RORA: variants seen among roughly 807,000 people sequenced by gnomAD.
RORA encodes the protein nuclear receptor ROR-alpha.
RORA carries 7 observed loss-of-function variants against 69.5 expected under a neutral mutation model. That is an observed-to-expected ratio of 0.10 (90% CI 0.06 to 0.19). The LOEUF is 0.19. Among genes scored for constraint, RORA ranks in the 10% least tolerant of loss-of-function variants. The pLI, the probability that RORA is intolerant of heterozygous loss-of-function variation, is 1.00. For synonymous variants in RORA, 261 were observed against 240.8 expected (o/e 1.08, Z -0.78); for missense variants, 457 against 663.0 (o/e 0.69, Z 3.41).
intron 1 of RORA, among the ~76,000 whole-genome samples, chr15:61,056,904 C>T (rs1038084950): frequency 3.3e-5 from 5 of 152,360 alleles, no homozygotes; most frequent in African/African-American, 7.2e-5. Context: ...TCAACCTTTG[C>T]ATCTGCCTTC....
chr15:60,596,318 G>C (rs1410133312), intron 2 of RORA, among the ~76,000 whole-genome samples: 1 of 152,008 alleles, frequency 6.6e-6, no homozygotes, highest in East Asian at 1.9e-4. Flanking sequence ...TCTCTCCAGT[G>C]TGCGTCTGCT....
chr15:60,696,617 T>C (rs962616151), intron 1 of RORA, among the ~76,000 whole-genome samples: 12 of 152,168 alleles, frequency 7.9e-5, no homozygotes, highest in Non-Finnish European at 8.8e-5. Context: ...CCTCATTTAC[T>C]TTAATTATAT....
At chr15:60,868,366 T>A (rs1467875295) in intron 1 of RORA, among the ~76,000 whole-genome samples, 2 of 152,190 alleles carry the variant, frequency 1.3e-5, no homozygotes, top group Non-Finnish European at 2.9e-5. Context: ...ATAGTATAAG[T>A]TGGTACATGT....
chr15:60,801,580 T>C (rs577951674), intron 1 of RORA, among the ~76,000 whole-genome samples: 1 of 152,242 alleles, frequency 6.6e-6, no homozygotes, highest in Non-Finnish European at 1.5e-5. Flanking sequence ...ATTTGGAATG[T>C]CTCTGCATTT....
intron 1 of RORA, among the ~76,000 whole-genome samples, chr15:60,912,613 G>A (rs1891762870): frequency 6.6e-6 from 1 of 152,110 alleles, no homozygotes; most frequent in Non-Finnish European, 1.5e-5. Context: ...AATTAGCCAG[G>A]CATGGTGGCA....
At chr15:61,138,837 A>AT (rs1251439526) in intron 1 of RORA, among the ~76,000 whole-genome samples, 4 of 152,144 alleles carry the variant, frequency 2.6e-5, no homozygotes, top group Admixed American at 6.5e-5. Flanking sequence ...TAAAATAAAA[A>AT]AATAAATTAA....
chr15:60,624,527 AGTATATATATATTTGCT>A, intron 2 of RORA, among the ~76,000 whole-genome samples: 1 of 121,378 alleles, frequency 8.2e-6, no homozygotes, highest in African/African-American at 3.3e-5. Flanking sequence ...ATATATATAT[AGTATATATATATTTGCT>A]GTATATATAT....
intron 1 of RORA, among the ~76,000 whole-genome samples, chr15:60,883,134 A>G (rs2073706900): frequency 3.8e-5 from 2 of 53,096 alleles, no homozygotes; most frequent in Non-Finnish European, 8.2e-5. Context: ...TCGTCTCAAA[A>G]AAAAAAAAAA....
intron 1 of RORA, among the ~76,000 whole-genome samples, chr15:61,114,830 AC>A (rs2140795474): frequency 6.6e-6 from 1 of 152,046 alleles, no homozygotes; most frequent in East Asian, 1.9e-4. Flanking sequence ...GGTCAGGACA[AC>A]CCCCAGGGCC....
At chr15:60,595,161 A>G (rs1567113789) in intron 2 of RORA, among the ~76,000 whole-genome samples, 2 of 149,100 alleles carry the variant, frequency 1.3e-5, no homozygotes, top group Non-Finnish European at 3.0e-5. Context: ...ATAATACCAA[A>G]TTGGAGCCAT....
chr15:61,054,992 A>T (rs2078074068), intron 1 of RORA, among the ~76,000 whole-genome samples: 1 of 151,984 alleles, frequency 6.6e-6, no homozygotes, highest in Non-Finnish European at 1.5e-5. Context: ...GCACACCACC[A>T]CGTCTGGCTA....
chr15:61,183,951 G>A (rs537927607), intron 1 of RORA, among the ~76,000 whole-genome samples: 102 of 152,174 alleles, frequency 6.7e-4, no homozygotes, highest in African/African-American at 2.3e-3. Flanking sequence ...AAAGTTTCCT[G>A]GCTGCTCCCA....
intron 1 of RORA, among the ~76,000 whole-genome samples, chr15:61,002,186 GC>G (rs1894766928): frequency 6.6e-6 from 1 of 152,204 alleles, no homozygotes; most frequent in Non-Finnish European, 1.5e-5. Flanking sequence ...AGGAAGGCTG[GC>G]CCTCCCATCT....
At chr15:60,549,861 AG>A (rs2067180919) in intron 2 of RORA, among the ~76,000 whole-genome samples, 1 of 152,226 alleles carries the variant, frequency 6.6e-6, no homozygotes, top group Admixed American at 6.5e-5. Flanking sequence ...CTTTTTATAA[AG>A]GGTCTGATTT....
intron 2 of RORA, among the ~76,000 whole-genome samples, chr15:60,553,894 T>C (rs1395082875): frequency 6.6e-6 from 1 of 152,232 alleles, no homozygotes; most frequent in Non-Finnish European, 1.5e-5. Context: ...CATAAGTTTA[T>C]TGCCCTTTGT....
intron 2 of RORA, among the ~76,000 whole-genome samples, chr15:60,622,005 A>G (rs566015633): frequency 1.3e-5 from 2 of 152,174 alleles, no homozygotes; most frequent in Admixed American, 1.3e-4. Flanking sequence ...CCAAGGTTGC[A>G]CCGTTGCACT....
chr15:61,108,298 C>T (rs139997370), intron 1 of RORA, among the ~76,000 whole-genome samples: 87 of 152,306 alleles, frequency 5.7e-4, no homozygotes, highest in African/African-American at 1.9e-3. Context: ...AGTCTTGTGA[C>T]TTTGCAGTGA....
chr15:61,013,051 T>C (rs1051739887), intron 1 of RORA, among the ~76,000 whole-genome samples: 1 of 152,236 alleles, frequency 6.6e-6, no homozygotes, highest in Non-Finnish European at 1.5e-5. Context: ...TCTGGGTACA[T>C]GTCTTCAATT....
chr15:61,046,315 C>A (rs898088928), intron 1 of RORA, among the ~76,000 whole-genome samples: 1 of 152,172 alleles, frequency 6.6e-6, no homozygotes, highest in African/African-American at 2.4e-5. Flanking sequence ...CTTCCTTCAC[C>A]CCATTCTGGC....
Sources: gnomAD v4.1 joint callset for allele counts (sites outside exome capture counted in the v4.1 genomes callset) on GRCh38, gnomAD v4.1.1 for gene constraint, MANE v1.5 for transcripts, NCBI Gene and HGNC (gene_info 2026-07-23, HGNC 2026-07-21) for gene names.